SYT14: variants seen among roughly 807,000 people sequenced by gnomAD.
The protein encoded by SYT14 is synaptotagmin 14.
A neutral mutation model predicts 74.2 loss-of-function variants in SYT14; 32 were observed. That is an observed-to-expected ratio of 0.43 (90% CI 0.33 to 0.58). The LOEUF is 0.58. Ranked by LOEUF, SYT14 falls within the 20% of genes least tolerant of loss-of-function variation. SYT14 has a pLI of 0.05. For synonymous variants in SYT14, 298 were observed against 337.7 expected (o/e 0.88, Z 1.29); for missense variants, 791 against 981.8 (o/e 0.81, Z 2.60).
In SYT14 at chr1:209,986,499, G is replaced by C. The variant is rs1386421672; in HGVS notation, c.-485-27134G>C. Among the ~76,000 whole-genome samples the C allele has an allele frequency of 3.3e-5, 5 of 152,038 alleles. 1 individual carries two copies. Among genetic ancestry groups the C allele is most frequent in the African/African-American group, 1.2e-4 (5 of 41,506 alleles). ...GAGGTGGCGGGCGCCTATAGTCCCA[G>C]CTACTCAGGAGGCTGAGGCAGGAGA... On this transcript the variant is annotated intron_variant, in intron 2 of 9. Transcript: ENST00000637265.
chr1:209,970,714 C>G, intron 2 of SYT14, among the ~76,000 whole-genome samples: 1 of 107,432 alleles, frequency 9.3e-6, no homozygotes, highest in Admixed American at 1.4e-4. Context: ...GGCAGAGTCT[C>G]ACTCTTGCCC....
chr1:210,012,435 T>C (rs890831489), intron 2 of SYT14, among the ~76,000 whole-genome samples: 6 of 151,998 alleles, frequency 3.9e-5, no homozygotes, highest in Admixed American at 6.6e-5. Context: ...TAGAGAGGAG[T>C]TGGTCGTTCC....
At chr1:210,100,055 TTGATCC>T (rs767415863) in exon 7 of SYT14, 1 of 1,614,122 alleles carries the variant, frequency 6.2e-7, no homozygotes, top group Non-Finnish European at 8.5e-7. Context: ...CCTAAACCTT[TTGATCC>T]TGAGCCAGAA....
At chr1:210,079,029 A>G (rs1271835602) in intron 5 of SYT14, among the ~76,000 whole-genome samples, 1 of 151,998 alleles carries the variant, frequency 6.6e-6, no homozygotes, top group Non-Finnish European at 1.5e-5. Flanking sequence ...CTGGGATTAT[A>G]GGTGTGAGCC....
intron 5 of SYT14, among the ~76,000 whole-genome samples, chr1:210,075,178 G>A (rs928742569): frequency 6.6e-5 from 10 of 152,032 alleles, no homozygotes; most frequent in African/African-American, 2.2e-4. Flanking sequence ...CCAGCCAGTC[G>A]ATGGCCTGTG....
At chr1:210,011,292 A>T (rs2080081984) in intron 2 of SYT14, among the ~76,000 whole-genome samples, 1 of 152,154 alleles carries the variant, frequency 6.6e-6, no homozygotes, top group African/African-American at 2.4e-5. Context: ...TTTACTCCAT[A>T]TCTCAGGCTT....
At chr1:210,004,545 A>C (rs980448004) in intron 2 of SYT14, among the ~76,000 whole-genome samples, 2 of 151,814 alleles carry the variant, frequency 1.3e-5, no homozygotes, top group African/African-American at 2.4e-5. Context: ...TTGATTGACA[A>C]ATTCTTTCTT....
At chr1:210,152,348 A>C (rs1210494951) in intron 7 of SYT14, among the ~76,000 whole-genome samples, 1 of 152,164 alleles carries the variant, frequency 6.6e-6, no homozygotes, top group Non-Finnish European at 1.5e-5. Context: ...AGTAGGTTTA[A>C]ACTCCAGGAT....
chr1:210,008,632 G>A (rs1378915235), intron 2 of SYT14, among the ~76,000 whole-genome samples: 5 of 152,114 alleles, frequency 3.3e-5, no homozygotes, highest in African/African-American at 4.8e-5. Context: ...CAAAGTGCCG[G>A]GATTACAGGC....
At chr1:210,142,462 C>T (rs1286221844) in intron 7 of SYT14, among the ~76,000 whole-genome samples, 1 of 152,092 alleles carries the variant, frequency 6.6e-6, no homozygotes, top group African/African-American at 2.4e-5. Flanking sequence ...GTCCTTACTT[C>T]ACCATTCTGC....
chr1:210,110,335 A>C (rs1364680086), intron 7 of SYT14, among the ~76,000 whole-genome samples: 3 of 152,218 alleles, frequency 2.0e-5, no homozygotes, highest in Non-Finnish European at 4.4e-5. Context: ...GAAATGTTCA[A>C]GGAATGAAGA....
chr1:210,052,665 C>CAAAAAAAGAAAAAAA (rs2081021261), intron 5 of SYT14, among the ~76,000 whole-genome samples: 1 of 42,252 alleles, frequency 2.4e-5, no homozygotes, highest in Non-Finnish European at 4.2e-5. Context: ...TACATCTCAC[C>CAAAAAAAGAAAAAAA]AAAAAAAAAA....
At chr1:210,082,200 A>G (rs557874076) in intron 5 of SYT14, among the ~76,000 whole-genome samples, 1 of 152,284 alleles carries the variant, frequency 6.6e-6, no homozygotes, top group Admixed American at 6.5e-5. Context: ...TTGAGTTTTA[A>G]GTTGTATTGG....
intron 5 of SYT14, among the ~76,000 whole-genome samples, chr1:210,026,183 G>T (rs1383029439): frequency 1.3e-5 from 2 of 151,670 alleles, no homozygotes; most frequent in Non-Finnish European, 2.9e-5. Context: ...AAATCCTTTT[G>T]TTCACAGTTT....
intron 2 of SYT14, among the ~76,000 whole-genome samples, chr1:210,010,936 T>G (rs994646742): frequency 1.3e-5 from 2 of 152,196 alleles, no homozygotes; most frequent in Non-Finnish European, 2.9e-5. Context: ...GTATGTAAAG[T>G]GCTTAAAACA....
chr1:210,098,937 G>C (rs1367887432), intron 6 of SYT14, among the ~76,000 whole-genome samples: 2 of 152,040 alleles, frequency 1.3e-5, no homozygotes, highest in African/African-American at 2.4e-5. Flanking sequence ...CAAGTGATCT[G>C]CCTGCCTCAG....
At chr1:210,018,134 GT>G (rs2080224576) in intron 4 of SYT14, among the ~76,000 whole-genome samples, 1 of 151,986 alleles carries the variant, frequency 6.6e-6, no homozygotes, top group Non-Finnish European at 1.5e-5. Context: ...TTTTCTAGCA[GT>G]TTTTTGTTTT....
intron 2 of SYT14, among the ~76,000 whole-genome samples, chr1:209,977,280 T>G (rs1173762029): frequency 6.6e-6 from 1 of 152,224 alleles, no homozygotes; most frequent in Non-Finnish European, 1.5e-5. Context: ...GCTCGTTAGT[T>G]GATGCAGTTT....
intron 1 of SYT14, among the ~76,000 whole-genome samples, chr1:209,951,868 G>T (rs2078917411): frequency 6.6e-6 from 1 of 152,180 alleles, no homozygotes; most frequent in Admixed American, 6.5e-5. Flanking sequence ...AATATTGAAA[G>T]AAGTAGGACT....
Sources: allele counts gnomAD v4.1 joint callset (sites outside exome capture counted in the v4.1 genomes callset), GRCh38; gene constraint gnomAD v4.1.1; transcripts MANE v1.5; gene names NCBI Gene and HGNC (gene_info 2026-07-23, HGNC 2026-07-21).